JPT1: variants seen among roughly 807,000 people sequenced by gnomAD.
JPT1 encodes the protein Jupiter microtubule associated homolog 1, also known as androgen-regulated protein 2.
In JPT1, 5 loss-of-function variants were observed where a neutral mutation model predicts 17.0. That is an observed-to-expected ratio of 0.29 (90% CI 0.15 to 0.62). The LOEUF (loss-of-function observed/expected upper bound fraction) is 0.62, where lower values mean the gene tolerates loss of function less well. Among genes scored for constraint, JPT1 ranks in the 20% least tolerant of loss-of-function variants. The pLI, the probability that JPT1 is intolerant of heterozygous loss-of-function variation, is 0.85. For missense variants in JPT1, 158 were observed against 188.1 expected, an observed-to-expected ratio of 0.84 and a Z score of 0.94; for synonymous variants, 71 against 73.6, an observed-to-expected ratio of 0.96 and a Z score of 0.18.
intron 4 of JPT1, among the ~76,000 whole-genome samples, chr17:75,142,996 A>T (rs1440743784): frequency 6.6e-6 from 1 of 152,172 alleles, no homozygotes; most frequent in African/African-American, 2.4e-5. Flanking sequence ...AGCAGCCCTC[A>T]GGAAACAGAA....
chr17:75,136,200 GC>G lies in JPT1; in HGVS notation c.366del (p.Lys122AsnfsTer67). On this transcript the variant is annotated frameshift_variant, in exon 5 of 5. Coordinates refer to ENST00000409753, the MANE Select transcript of JPT1 (RefSeq NM_016185.4). LOFTEE classifies it high-confidence loss of function. ...CTGGGCACAGGCGCAGCAGGCACGG[GC>G]TTCTCTTCACTCTGCCCCAGGCTGC... ...LPGSLGQSEE[K>X]PVPAAPVPSP... The G allele has an allele frequency of 3.1e-6, 5 of 1,613,216 alleles. No individual in the cohort carries two copies. Among genetic ancestry groups the G allele is most frequent in the Non-Finnish European group, 4.2e-6 (5 of 1,179,452 alleles).
chr17:75,154,410 C>A lies in JPT1; in HGVS notation c.-13G>T. On this transcript the variant is annotated 5_prime_UTR_variant, in exon 1 of 5. Coordinates refer to ENST00000409753, the MANE Select transcript of JPT1 (RefSeq NM_016185.4). ...TGGTTGTGGTCATGGCGCCGAGGAG[C>A]GAGGTAGGCTGGCGCCGGAGCAGAA... The A allele has an allele frequency of 6.5e-6, 10 of 1,547,848 alleles. No homozygotes were observed. Among genetic ancestry groups the A allele is most frequent in the Non-Finnish European group, 8.7e-6 (10 of 1,145,586 alleles).
intron 1 of JPT1, 191 bp downstream of exon 1, chr17:75,154,150 CG>C (rs1285532847): frequency 3.5e-6 from 1 of 285,028 alleles, no homozygotes; most frequent in African/African-American, 2.2e-5. Context: ...AGCAGGGACC[CG>C]GGTGGGGCCG....
intron 1 of JPT1, chr17:75,152,828 G>C (rs1352378093): frequency 6.6e-6 from 1 of 152,166 alleles, no homozygotes; most frequent in Admixed American, 6.6e-5. Flanking sequence ...CAGAAAGGGA[G>C]CGACCAGTTT....
chr17:75,154,319 C>A, intron 1 of JPT1, 23 bp downstream of exon 1: 1 of 1,536,310 alleles, frequency 6.5e-7, no homozygotes, highest in East Asian at 2.5e-5. Flanking sequence ...CCGCGCGGCT[C>A]GGGCGCGACC....
intron 1 of JPT1, 162 bp downstream of exon 1, chr17:75,154,180 G>A: frequency 5.6e-6 from 2 of 354,862 alleles, no homozygotes; most frequent in Non-Finnish European, 4.7e-6. Context: ...GGCTCGCCAG[G>A]CGGCACAAAG....
chr17:75,137,359 G>A (rs2074218776), intron 4 of JPT1, among the ~76,000 whole-genome samples: 1 of 151,590 alleles, frequency 6.6e-6, no homozygotes, highest in South Asian at 2.1e-4. Flanking sequence ...GGGTGGGGTG[G>A]CAGGTGGAGG....
intron 4 of JPT1, among the ~76,000 whole-genome samples, chr17:75,137,676 C>G (rs1192099884): frequency 7.2e-6 from 1 of 138,290 alleles, no homozygotes; most frequent in Non-Finnish European, 1.5e-5. Context: ...TTCACACAGC[C>G]TAGTTTTCCT....
At chr17:75,152,830 G>A (rs2074575294) in intron 1 of JPT1, 1 of 152,100 alleles carries the variant, frequency 6.6e-6, no homozygotes, top group Non-Finnish European at 1.5e-5. Context: ...GAAAGGGAGC[G>A]ACCAGTTTCC....
chr17:75,146,650 C>G lies in JPT1; in HGVS notation c.316+16G>C. 1 of 1,533,616 alleles carries G rather than the reference C, an allele frequency of 6.5e-7. No individual in the cohort carries two copies. The highest frequency in any genetic ancestry group is 8.9e-7 in the Non-Finnish European group (1 of 1,129,048). ...CCATGGACAGAGCCAGAAATTTGGTCTTCAGAAGTACTTACCATGAATATC... is the reference window on the plus strand; with the variant it reads ...CCATGGACAGAGCCAGAAATTTGGTGTTCAGAAGTACTTACCATGAATATC... On this transcript the variant is annotated intron_variant, in intron 4 of 4. Transcript: ENST00000409753.
chr17:75,141,630 C>T (rs762299668), intron 4 of JPT1, among the ~76,000 whole-genome samples: 2 of 149,374 alleles, frequency 1.3e-5, no homozygotes, highest in Admixed American at 6.7e-5. Context: ...TCCAGCCTGG[C>T]GACAGAGTGA....
chr17:75,154,444 G>T lies in JPT1; in HGVS notation c.-47C>A, dbSNP rs1452088485. On this transcript the variant is annotated 5_prime_UTR_variant, in exon 1 of 5. Coordinates refer to ENST00000409753, the MANE Select transcript of JPT1 (RefSeq NM_016185.4). The stretch of plus-strand genomic sequence containing the variant: ...CTGGCGCCGGAGCAGAACGCTCAAA[G>T]GGTCGGACCCGAGGGGCGCTGGGAA... 1.3e-6 allele frequency: 2 copies of T among 1,527,942 alleles called. No individual in the cohort carries two copies. The highest frequency in any genetic ancestry group is 1.8e-6 in the Non-Finnish European group (2 of 1,133,228). 94.6% of individuals were successfully genotyped at this position (1,527,942 alleles called of 1,614,324 possible).
chr17:75,140,711 C>T (rs1434611211), intron 4 of JPT1, among the ~76,000 whole-genome samples: 1 of 152,172 alleles, frequency 6.6e-6, no homozygotes, highest in East Asian at 1.9e-4. Context: ...ACCTGTAATC[C>T]CAGAATTTTG....
At position 75,139,044 on chromosome 17, in the gene JPT1, G is replaced by A. The variant is rs1462046103; in HGVS notation, c.317-2794C>T. Among the ~76,000 whole-genome samples, 2 of 152,102 alleles carry A rather than the reference G, an allele frequency of 1.3e-5. 1 individual carries two copies. The highest frequency in any genetic ancestry group is 4.8e-5 in the African/African-American group (2 of 41,432). Reference sequence around the variant, plus strand: ...ATTAGTTTCCTTGGTTACATCCATTGTAAAAGAAGCAAGATCAAATGCACT... The same window carrying A: ...ATTAGTTTCCTTGGTTACATCCATTATAAAAGAAGCAAGATCAAATGCACT... On this transcript the variant is annotated intron_variant, in intron 4 of 4. Transcript: ENST00000409753.
intron 4 of JPT1, among the ~76,000 whole-genome samples, chr17:75,136,715 T>C (rs2074205524): frequency 6.6e-6 from 1 of 152,138 alleles, no homozygotes; most frequent in African/African-American, 2.4e-5. Context: ...TGGTCTTGAA[T>C]TCATGACCTT....
intron 1 of JPT1, chr17:75,153,451 A>C (rs1452650408): frequency 1.3e-5 from 2 of 152,132 alleles, no homozygotes; most frequent in Non-Finnish European, 2.9e-5. Context: ...CAAGAACAAG[A>C]AACCTCCTCC....
chr17:75,154,299 C>A, intron 1 of JPT1, 43 bp downstream of exon 1: 1 of 1,483,256 alleles, frequency 6.7e-7, no homozygotes, highest in Non-Finnish European at 9.0e-7. Flanking sequence ...GCCCTCCCAG[C>A]CCCTCAGCCC....
chr17:75,135,927 AAG>A lies in JPT1; in HGVS notation c.*173_*174del. The A allele has an allele frequency of 1.4e-6, 2 of 1,422,094 alleles. No individual in the cohort carries two copies. The highest frequency in any genetic ancestry group is 1.9e-6 in the Non-Finnish European group (2 of 1,045,190). 88.1% of individuals were successfully genotyped at this position (1,422,094 alleles called of 1,614,324 possible). On this transcript the variant is annotated 3_prime_UTR_variant, in exon 5 of 5. Transcript: ENST00000409753. ...CACTCATGCCATGGCCCACAGACCCAAGAGTCAAGGACAGAGAGAAACCTGTT... is the reference window on the plus strand; with the variant it reads ...CACTCATGCCATGGCCCACAGACCCAAGTCAAGGACAGAGAGAAACCTGTT...
At chr17:75,147,772 G>C (rs2074468502) in intron 2 of JPT1, 119 bp from the exon 3 acceptor site, 1 of 716,336 alleles carries the variant, frequency 1.4e-6, no homozygotes, top group African/African-American at 1.7e-5. Flanking sequence ...GCCGAGGCGG[G>C]CAGATCACCT....
Sources: allele counts gnomAD v4.1 joint callset (sites outside exome capture counted in the v4.1 genomes callset), GRCh38; gene constraint gnomAD v4.1.1; transcripts MANE v1.5; gene names NCBI Gene and HGNC (gene_info 2026-07-23, HGNC 2026-07-21).